GDAP1: variants seen among roughly 807,000 people sequenced by gnomAD.
GDAP1 encodes ganglioside induced differentiation associated protein 1.
A neutral mutation model predicts 40.1 loss-of-function variants in GDAP1; 34 were observed. The observed-to-expected ratio is 0.85, with a 90% CI of 0.64 to 1.13. GDAP1 has a LOEUF of 1.13. Ranked by LOEUF, GDAP1 falls within the 50% of genes most tolerant of loss-of-function variation. The pLI is 0.00. For synonymous variants in GDAP1, 170 were observed against 157.4 expected (o/e 1.08, Z -0.60); for missense variants, 374 against 433.7 (o/e 0.86, Z 1.22).
chr8:74,470,824 G>A (rs1193791997), intron 2 of GDAP1, among the ~76,000 whole-genome samples: 5 of 151,974 alleles, frequency 3.3e-5, no homozygotes, highest in African/African-American at 7.2e-5. Flanking sequence ...CTGAGGAATC[G>A]CCACACTGAC....
At position 74,366,691 on chromosome 8, in the gene GDAP1, T is replaced by A. The variant is rs1483256090; in HGVS notation, c.*2324T>A. The A allele has an allele frequency of 4.4e-6, 2 of 452,786 alleles. No individual in the cohort carries two copies. The highest frequency in any genetic ancestry group is 2.0e-5 in the African/African-American group (1 of 49,958). The allele number at this position is 452,786 out of a possible 1,614,324, so 28.0% of individuals were successfully genotyped here. ...TAAATACTATTGTTATTGCAGCAGA[T>A]GCCTTTTGAATCCATTTTCCATAAT... is the stretch of plus-strand genomic sequence containing the variant. On this transcript the variant is annotated 3_prime_UTR_variant, in exon 6 of 6. Transcript: ENST00000220822.
chr8:74,457,005 GCCATATGGCTACC>G (rs1806343916), intron 2 of GDAP1, among the ~76,000 whole-genome samples: 1 of 152,060 alleles, frequency 6.6e-6, no homozygotes, highest in Admixed American at 6.6e-5. Flanking sequence ...GGTGGCCCAT[GCCATATGGCTACC>G]CCTTACTTCT....
intron 2 of GDAP1, among the ~76,000 whole-genome samples, chr8:74,474,417 T>C (rs994978672): frequency 2.6e-5 from 4 of 152,198 alleles, no homozygotes; most frequent in Non-Finnish European, 5.9e-5. Context: ...CAGTATGATG[T>C]TGGCTGTGGG....
intron 2 of GDAP1, among the ~76,000 whole-genome samples, chr8:74,401,735 G>A (rs1371030343): frequency 6.7e-6 from 1 of 149,862 alleles, no homozygotes; most frequent in Non-Finnish European, 1.5e-5. Flanking sequence ...GGTTTTTGGT[G>A]TGGATGTCCT....
At chr8:74,417,097 G>C (rs1459853987) in intron 2 of GDAP1, among the ~76,000 whole-genome samples, 2 of 149,012 alleles carry the variant, frequency 1.3e-5, no homozygotes, top group African/African-American at 5.2e-5. Flanking sequence ...TTCTCCCATG[G>C]GAGCTTGGAG....
At chr8:74,416,781 T>C (rs1394218515) in intron 2 of GDAP1, among the ~76,000 whole-genome samples, 1 of 149,708 alleles carries the variant, frequency 6.7e-6, no homozygotes, top group African/African-American at 2.6e-5. Context: ...CACAGTATTC[T>C]CACCTTCAGG....
intron 2 of GDAP1, among the ~76,000 whole-genome samples, chr8:74,382,462 T>A (rs1809969474): frequency 6.6e-6 from 1 of 151,986 alleles, no homozygotes; most frequent in African/African-American, 2.4e-5. Flanking sequence ...TAGGATTCTA[T>A]TCTCTAGCTA....
intron 2 of GDAP1, among the ~76,000 whole-genome samples, chr8:74,383,494 GT>G (rs1221483148): frequency 1.3e-5 from 2 of 152,134 alleles, no homozygotes; most frequent in African/African-American, 2.4e-5. Flanking sequence ...GATTTCAAAA[GT>G]TTTAGATTTA....
rs1353153003 is a variant in GDAP1, at chr8:74,365,510, T to G, written c.*1143T>G. On this transcript the variant is annotated 3_prime_UTR_variant, in exon 6 of 6. Coordinates refer to ENST00000220822, the MANE Select transcript of GDAP1 (RefSeq NM_018972.4). ...GTTTGTGCTCAGAAAAAGTCTTTCA[T>G]GGTGACAGGAAGACAGTTTCCCTGG... The G allele has an allele frequency of 1.1e-5, 5 of 454,186 alleles. No individual in the cohort carries two copies. In the Admixed American group the frequency reaches 1.2e-4, roughly 11 times the overall value. The allele number at this position is 454,186 out of a possible 1,614,324, so 28.1% of individuals were successfully genotyped here.
intron 2 of GDAP1, among the ~76,000 whole-genome samples, chr8:74,391,044 G>C (rs1014228229): frequency 2.6e-5 from 4 of 152,190 alleles, no homozygotes; most frequent in African/African-American, 9.6e-5. Flanking sequence ...CACCAAGCTG[G>C]TTTCAGGTTG....
chr8:74,470,153 C>T (rs936368928), intron 2 of GDAP1, among the ~76,000 whole-genome samples: 7 of 151,224 alleles, frequency 4.6e-5, no homozygotes, highest in African/African-American at 1.2e-4. Context: ...GAAAATTATT[C>T]GTTTCGTCCA....
intron 2 of GDAP1, among the ~76,000 whole-genome samples, chr8:74,396,878 G>A (rs1810209334): frequency 6.6e-6 from 1 of 152,152 alleles, no homozygotes; most frequent in South Asian, 2.1e-4. Context: ...CCCAGTAATG[G>A]GATGGCTGGG....
chr8:74,425,071 A>T (rs1315249877), intron 2 of GDAP1, among the ~76,000 whole-genome samples: 1 of 152,180 alleles, frequency 6.6e-6, no homozygotes, highest in African/African-American at 2.4e-5. Flanking sequence ...CTTCATCAGC[A>T]GGTCAAATAG....
Position 74,364,340 on chromosome 8 carries a change from A to G in GDAP1, c.1050A>G (p.Ala350=), listed in dbSNP as rs764613529. ...FRKRLGSMIL[A]FRPRPNYF ...AGAGGCTTGGCAGCATGATATTAGC[A>G]TTTAGACCCAGACCAAATTATTTCT... The change falls in exon 6 of 6, where the codon GCA becomes GCG. Residue 350 remains alanine (A), a synonymous_variant. Transcript: ENST00000220822. 2.5e-6 allele frequency: 4 copies of G among 1,614,052 alleles called. No individual in the cohort carries two copies. Among genetic ancestry groups the G allele is most frequent in the Middle Eastern group, 1.6e-4 (1 of 6,062 alleles).
chr8:74,399,003 A>T (rs1024369942), intron 2 of GDAP1, among the ~76,000 whole-genome samples: 1 of 151,982 alleles, frequency 6.6e-6, no homozygotes, highest in African/African-American at 2.4e-5. Flanking sequence ...TATTGATCTA[A>T]AATTCTCTTT....
intron 2 of GDAP1, among the ~76,000 whole-genome samples, chr8:74,435,673 A>G (rs1446224460): frequency 6.6e-6 from 1 of 152,232 alleles, no homozygotes; most frequent in Non-Finnish European, 1.5e-5. Flanking sequence ...AATGGCATGT[A>G]AACATTGAAT....
chr8:74,378,982 G>A (rs1167282266), intron 2 of GDAP1, among the ~76,000 whole-genome samples: 1 of 152,126 alleles, frequency 6.6e-6, no homozygotes, highest in Non-Finnish European at 1.5e-5. Flanking sequence ...CTGGTCCTTG[G>A]AGTATTGTTT....
intron 2 of GDAP1, among the ~76,000 whole-genome samples, chr8:74,481,846 T>C (rs932852266): frequency 1.3e-5 from 2 of 152,242 alleles, no homozygotes; most frequent in African/African-American, 4.8e-5. Context: ...ACCCAATTTT[T>C]TGTTTGTTAT....
At chr8:74,474,254 T>G (rs1806597402) in intron 2 of GDAP1, among the ~76,000 whole-genome samples, 1 of 152,206 alleles carries the variant, frequency 6.6e-6, no homozygotes, top group Non-Finnish European at 1.5e-5. Context: ...GTAGCTTGAC[T>G]TCCTACCTTC....
Sources: allele counts gnomAD v4.1 joint callset (sites outside exome capture counted in the v4.1 genomes callset), GRCh38; gene constraint gnomAD v4.1.1; transcripts MANE v1.5; gene names NCBI Gene and HGNC (gene_info 2026-07-23, HGNC 2026-07-21).